Variants in PLAAT2 observed in about 807,000 individuals in gnomAD.
PLAAT2 encodes the protein HRAS like suppressor 2.
In PLAAT2, 12 loss-of-function variants were observed where a neutral mutation model predicts 12.8. The ratio of observed to expected loss-of-function variants is 0.94; its 90% CI spans 0.60 to 1.52. The LOEUF (loss-of-function observed/expected upper bound fraction) is 1.52. Among genes scored for constraint, PLAAT2 ranks in the 40% most tolerant of loss-of-function variants. The probability of loss-of-function intolerance (pLI) is 0.00; values close to 1 mark genes in which losing one functional copy is unlikely to be tolerated. For missense variants in PLAAT2, 166 were observed against 208.1 expected, an observed-to-expected ratio of 0.80 and a Z score of 1.24; for synonymous variants, 79 against 86.8, an observed-to-expected ratio of 0.91 and a Z score of 0.50.
chr11:63,553,127 A>G, intron 3 of PLAAT2, 62 bp from the exon 4 acceptor site: 2 of 972,222 alleles, frequency 2.1e-6, no homozygotes, highest in South Asian at 1.4e-5. Context: ...TACATACACC[A>G]GGAAACTACA....
At position 63,561,821 on chromosome 11, in the gene PLAAT2, A is replaced by G. The variant is rs529841388; in HGVS notation, c.9+1495T>C. The stretch of plus-strand genomic sequence containing the variant: ...AAAAAAAAGTAAAGCCTTTGACTAG[A>G]GGGGTCAAGAGTCAACTTGACCAAA... On this transcript the variant is annotated intron_variant, in intron 1 of 3. Coordinates refer to ENST00000255695, the MANE Select transcript of PLAAT2 (RefSeq NM_017878.2). Among the ~76,000 whole-genome samples the G allele has an allele frequency of 4.6e-5, 7 of 152,158 alleles. No individual in the cohort carries two copies. The East Asian group carries it at 1.4e-3, about 29-fold the overall frequency.
intron 3 of PLAAT2, among the ~76,000 whole-genome samples, chr11:63,556,457 A>G (rs377126587): frequency 3.3e-5 from 5 of 152,148 alleles, no homozygotes; most frequent in East Asian, 1.9e-4. Flanking sequence ...TAGATGTATG[A>G]TAAGGCAGCC....
At chr11:63,563,242 GA>G in intron 1 of PLAAT2, 73 bp downstream of exon 1, 1 of 1,570,448 alleles carries the variant, frequency 6.4e-7, no homozygotes, top group Non-Finnish European at 8.8e-7. Context: ...AGACCAACAA[GA>G]ATACACATAA....
At chr11:63,565,027 A>G (rs966407492), upstream of PLAAT2, among the ~76,000 whole-genome samples, 8 of 152,004 alleles carry the variant, frequency 5.3e-5, no homozygotes, top group Admixed American at 2.0e-4. Context: ...TATGTCCAGG[A>G]GCTATAGGAA....
intron 1 of PLAAT2, among the ~76,000 whole-genome samples, chr11:63,560,868 C>G (rs180862505): frequency 2.0e-5 from 3 of 152,354 alleles, no homozygotes. Context: ...GAAGTCTGAG[C>G]TCAGGCTAAA....
chr11:63,552,806 A>G lies in PLAAT2; in HGVS notation c.*158T>C, dbSNP rs1470536998. ...TTGTGTCTTTAATAGAATTCATACTAAGCTGCATTTCCAAATACATTTTCC... is the reference window on the plus strand; with the variant it reads ...TTGTGTCTTTAATAGAATTCATACTGAGCTGCATTTCCAAATACATTTTCC... On this transcript the variant is annotated 3_prime_UTR_variant, in exon 4 of 4. Coordinates refer to ENST00000255695, the MANE Select transcript of PLAAT2 (RefSeq NM_017878.2). The G allele has an allele frequency of 8.3e-6, 5 of 600,918 alleles. No homozygotes were observed. The highest frequency in any genetic ancestry group is 1.5e-5 in the Non-Finnish European group (5 of 334,120). 37.2% of individuals were successfully genotyped at this position (600,918 alleles called of 1,614,324 possible).
At position 63,558,587 on chromosome 11, in the gene PLAAT2, C is replaced by T. The variant is rs1295446577; in HGVS notation, c.192G>A (p.Leu64=). ...LTNKAIVKKE[L]LSVVAGGDNY... is the part of the protein sequence containing the mutation. ...TGTCTCCCCCAGCCACCACAGACAG[C>T]AGTTCCTTCTTCACTATGGCTTTGT... Residue 64 remains leucine (L), a synonymous_variant, in exon 3 of 4, where the codon CTG becomes CTA. Transcript: ENST00000255695. The T allele has an allele frequency of 6.2e-7, 1 of 1,614,130 alleles. No homozygotes were observed. Among genetic ancestry groups the T allele is most frequent in the Non-Finnish European group, 8.5e-7 (1 of 1,180,048 alleles).
chr11:63,560,052 A>C (rs2134373123), intron 2 of PLAAT2, 33 bp downstream of exon 2: 1 of 1,432,620 alleles, frequency 7.0e-7, no homozygotes, highest in South Asian at 1.2e-5. Flanking sequence ...CTTGATCTTA[A>C]CCCTTGTGCT....
intron 1 of PLAAT2, 107 bp from the exon 2 acceptor site, chr11:63,560,300 A>G (rs1250798253): frequency 1.4e-6 from 1 of 724,882 alleles, no homozygotes; most frequent in African/African-American, 1.8e-5. Flanking sequence ...CCCTGTGCTC[A>G]TCACCTGCAG....
chr11:63,555,027 C>T (rs1049048928), intron 3 of PLAAT2, among the ~76,000 whole-genome samples: 11 of 152,070 alleles, frequency 7.2e-5, no homozygotes, highest in Admixed American at 4.6e-4. Context: ...AGTAGGGAGA[C>T]GGGTGAGCGA....
At chr11:63,553,204 G>A (rs1452167181) in intron 3 of PLAAT2, 139 bp from the exon 4 acceptor site, 11 of 598,374 alleles carry the variant, frequency 1.8e-5, no homozygotes, top group African/African-American at 1.1e-4. Flanking sequence ...ATATTGGCTG[G>A]GAGAGGGGAT....
chr11:63,560,283 G>T, intron 1 of PLAAT2, 90 bp from the exon 2 acceptor site: 1 of 881,920 alleles, frequency 1.1e-6, no homozygotes, highest in South Asian at 1.6e-5. Context: ...AGCTCAGCCT[G>T]CAGATTCCCT....
intron 1 of PLAAT2, 79 bp downstream of exon 1, chr11:63,563,237 A>G (rs1246029504): frequency 1.3e-6 from 2 of 1,561,694 alleles, no homozygotes; most frequent in African/African-American, 1.4e-5. Context: ...GCTGTAGACC[A>G]ACAAGAATAC....
At chr11:63,558,063 T>A (rs962780503) in intron 3 of PLAAT2, among the ~76,000 whole-genome samples, 5 of 152,112 alleles carry the variant, frequency 3.3e-5, no homozygotes, top group Admixed American at 3.3e-4. Context: ...TTGGACAAGT[T>A]ACTTAAGCAC....
At chr11:63,557,867 T>C (rs1483207040) in intron 3 of PLAAT2, among the ~76,000 whole-genome samples, 2 of 152,172 alleles carry the variant, frequency 1.3e-5, no homozygotes, top group African/African-American at 4.8e-5. Flanking sequence ...CGTTCCCTGG[T>C]AATCTCCAGC....
Position 63,560,213 on chromosome 11 carries a change from A to C in PLAAT2, c.10-20T>G. On this transcript the variant is annotated intron_variant, in intron 1 of 3. Transcript: ENST00000255695. ...TCTGGCCTGCAACAGAAAAACCAGA[A>C]ACAGGCAGAGGTGAGCCATCTGCAG... 6.3e-7 allele frequency: 1 copy of C among 1,595,086 alleles called. No homozygotes were observed. Among genetic ancestry groups the C allele is most frequent in the Non-Finnish European group, 8.6e-7 (1 of 1,163,916 alleles).
rs1443826034 is a variant in PLAAT2, at chr11:63,560,077, A to G, written c.118+8T>C. 3 of 1,585,440 alleles carry G rather than the reference A, an allele frequency of 1.9e-6. No individual in the cohort carries two copies. The highest frequency in any genetic ancestry group is 1.7e-6 in the Non-Finnish European group (2 of 1,155,378). On this transcript the variant is annotated splice_region_variant and intron_variant, in intron 2 of 3. Coordinates refer to ENST00000255695, the MANE Select transcript of PLAAT2 (RefSeq NM_017878.2). ...ACCCTTGTGCTTAAAAAGAGAACCC[A>G]TCCTTACTTGCCGGAGCCAGATGGA...
At chr11:63,553,749 G>A (rs1317972807) in intron 3 of PLAAT2, among the ~76,000 whole-genome samples, 1 of 152,200 alleles carries the variant, frequency 6.6e-6, no homozygotes, top group African/African-American at 2.4e-5. Context: ...GGCTGACTGG[G>A]GCCCTTGAGG....
chr11:63,554,049 G>A (rs1344524264), intron 3 of PLAAT2, among the ~76,000 whole-genome samples: 4 of 152,020 alleles, frequency 2.6e-5, no homozygotes, highest in Admixed American at 2.6e-4. Flanking sequence ...GGGTTGGTGT[G>A]CTCGGCACAG....
Sources: allele counts gnomAD v4.1 joint callset (sites outside exome capture counted in the v4.1 genomes callset), GRCh38; gene constraint gnomAD v4.1.1; transcripts MANE v1.5; gene names NCBI Gene and HGNC (gene_info 2026-07-23, HGNC 2026-07-21).